Variants in RBMS1 observed in about 807,000 individuals in gnomAD.
RBMS1 encodes the protein RNA-binding motif, single-stranded-interacting protein 1.
RBMS1 carries 17 observed loss-of-function variants against 62.3 expected under a neutral mutation model. The ratio of observed to expected loss-of-function variants is 0.27; its 90% CI spans 0.19 to 0.41. The LOEUF is 0.41. Ranked by LOEUF, RBMS1 falls within the 10% of genes least tolerant of loss-of-function variation. The pLI is 1.00. For missense variants in RBMS1, 334 were observed against 504.5 expected (o/e 0.66, Z 3.24); for synonymous variants, 172 against 170.0 (o/e 1.01, Z -0.09).
chr2:160,317,363 A>C (rs921017320), intron 3 of RBMS1, among the ~76,000 whole-genome samples: 1 of 152,104 alleles, frequency 6.6e-6, no homozygotes, highest in Admixed American at 6.6e-5. Context: ...ATTCCTGTCA[A>C]CTTATTTCAA....
At chr2:160,484,259 G>GC (rs1448706358) in intron 1 of RBMS1, among the ~76,000 whole-genome samples, 30 of 150,064 alleles carry the variant, frequency 2.0e-4, no homozygotes, top group Middle Eastern at 3.6e-3. Flanking sequence ...ACTTTGGGAG[G>GC]CCGAGGCGGG....
chr2:160,459,005 T>C (rs944539201), intron 1 of RBMS1, among the ~76,000 whole-genome samples: 12 of 152,184 alleles, frequency 7.9e-5, no homozygotes, highest in African/African-American at 2.7e-4. Context: ...TGAGCTCAAA[T>C]AGTTCCTTAG....
intron 1 of RBMS1, among the ~76,000 whole-genome samples, chr2:160,470,492 C>G (rs1376275690): frequency 6.6e-6 from 1 of 152,170 alleles, no homozygotes. Flanking sequence ...ACTATCATTA[C>G]TATCGTTATT....
In RBMS1 at chr2:160,361,197, A is replaced by T. The variant is rs1693109092; in HGVS notation, c.251+6019T>A. ...TCAAGTCACTGGTTTTTCCATTAAA[A>T]TAAGTTACTGCTACACTGAGTTATC... On this transcript the variant is annotated intron_variant, in intron 2 of 13. Coordinates refer to ENST00000348849, the MANE Select transcript of RBMS1 (RefSeq NM_016836.4). Among the ~76,000 whole-genome samples the T allele has an allele frequency of 2.0e-5, 3 of 152,228 alleles. No homozygotes were observed. The South Asian group carries it at 6.2e-4, about 31-fold the overall frequency.
At chr2:160,457,394 T>C (rs1482101943) in intron 1 of RBMS1, among the ~76,000 whole-genome samples, 1 of 152,164 alleles carries the variant, frequency 6.6e-6, no homozygotes, top group Non-Finnish European at 1.5e-5. Flanking sequence ...CCTCCCAAAG[T>C]GCTGGGATTA....
chr2:160,414,862 AT>A (rs1266140319), intron 1 of RBMS1, among the ~76,000 whole-genome samples: 1 of 150,284 alleles, frequency 6.7e-6, no homozygotes, highest in Non-Finnish European at 1.5e-5. Flanking sequence ...AAAAAAAAAA[AT>A]CTATAAAAAC....
At chr2:160,311,340 A>T (rs889915804) in intron 4 of RBMS1, among the ~76,000 whole-genome samples, 1 of 150,826 alleles carries the variant, frequency 6.6e-6, no homozygotes, top group African/African-American at 2.4e-5. Flanking sequence ...TAAAAATATT[A>T]AATGGCAACG....
At chr2:160,357,957 C>G (rs1331075391) in intron 2 of RBMS1, among the ~76,000 whole-genome samples, 1 of 152,046 alleles carries the variant, frequency 6.6e-6, no homozygotes, top group African/African-American at 2.4e-5. Context: ...TTCCAAAAGT[C>G]TTCAGACTAC....
rs1693473386 is a variant in RBMS1, at chr2:160,367,495, TG to T, written c.76-105del. On this transcript the variant is annotated intron_variant, in intron 1 of 13. Coordinates refer to ENST00000348849, the MANE Select transcript of RBMS1 (RefSeq NM_016836.4). ...AAATATAGATTACTTTAAGCTACTT[TG>T]AGTTATAAATTTTAATTTACACTTT... is the stretch of plus-strand genomic sequence containing the variant. The T allele has an allele frequency of 1.5e-5, 22 of 1,509,742 alleles. No individual in the cohort carries two copies. The South Asian group carries it at 2.2e-4, about 15-fold the overall frequency. The allele number at this position is 1,509,742 out of a possible 1,614,324, so 93.5% of individuals were successfully genotyped here.
At position 160,281,302 on chromosome 2, in the gene RBMS1, TA is replaced by T; in HGVS notation, c.951+11del. On this transcript the variant is annotated intron_variant, in intron 10 of 13. Coordinates refer to ENST00000348849, the MANE Select transcript of RBMS1 (RefSeq NM_016836.4). ...CTTGTAAAACACAAAGTCATTAAGA[TA>T]AAAAACTTACAGGGTGCTGTAGAAT... 1 of 1,593,686 alleles carries T rather than the reference TA, an allele frequency of 6.3e-7. No homozygotes were observed. The highest frequency in any genetic ancestry group is 2.2e-5 in the East Asian group (1 of 44,568).
chr2:160,396,185 T>C (rs1207705364), intron 1 of RBMS1, among the ~76,000 whole-genome samples: 2 of 152,204 alleles, frequency 1.3e-5, no homozygotes, highest in East Asian at 1.9e-4. Flanking sequence ...TTTGAAATGG[T>C]TTGATAGTGA....
intron 2 of RBMS1, among the ~76,000 whole-genome samples, chr2:160,359,193 A>AT (rs1412309691): frequency 2.6e-5 from 4 of 152,180 alleles, no homozygotes; most frequent in Non-Finnish European, 5.9e-5. Context: ...CTATTTCCTT[A>AT]TATTAGCCTC....
chr2:160,400,564 T>C (rs937944239), intron 1 of RBMS1, among the ~76,000 whole-genome samples: 4 of 152,098 alleles, frequency 2.6e-5, no homozygotes, highest in Non-Finnish European at 5.9e-5. Flanking sequence ...AAACAGGTGA[T>C]TGTGATAATG....
At chr2:160,341,704 G>C (rs1335265020) in intron 2 of RBMS1, among the ~76,000 whole-genome samples, 1 of 152,198 alleles carries the variant, frequency 6.6e-6, no homozygotes, top group Non-Finnish European at 1.5e-5. Flanking sequence ...TAGGGCAGTT[G>C]TGCTGTGCTA....
intron 2 of RBMS1, among the ~76,000 whole-genome samples, chr2:160,322,245 C>CACA (rs1274092211): frequency 6.6e-6 from 1 of 152,134 alleles, no homozygotes; most frequent in African/African-American, 2.4e-5. Context: ...TCCCAGAGCT[C>CACA]ACAAATGAGT....
At chr2:160,362,777 A>T (rs1185340137) in intron 2 of RBMS1, among the ~76,000 whole-genome samples, 1 of 151,500 alleles carries the variant, frequency 6.6e-6, no homozygotes, top group Non-Finnish European at 1.5e-5. Flanking sequence ...TTCAATTTGT[A>T]TTTTTTTTTA....
chr2:160,446,007 A>C (rs912776634), intron 1 of RBMS1, among the ~76,000 whole-genome samples: 7 of 151,772 alleles, frequency 4.6e-5, no homozygotes, highest in Admixed American at 6.6e-5. Context: ...AAAAAAAAAA[A>C]ATGTATTAAG....
chr2:160,492,612 G>A (rs912853118), intron 1 of RBMS1, among the ~76,000 whole-genome samples: 1 of 152,234 alleles, frequency 6.6e-6, no homozygotes, highest in Non-Finnish European at 1.5e-5. Context: ...AACCTCTAGA[G>A]ATTAGAAGGG....
intron 6 of RBMS1, among the ~76,000 whole-genome samples, chr2:160,299,386 T>C (rs1360818096): frequency 6.6e-6 from 1 of 152,236 alleles, no homozygotes; most frequent in Non-Finnish European, 1.5e-5. Flanking sequence ...AAAATGTCTA[T>C]TGTAGTTATG....
Sources: gnomAD v4.1 joint callset for allele counts (sites outside exome capture counted in the v4.1 genomes callset) on GRCh38, gnomAD v4.1.1 for gene constraint, MANE v1.5 for transcripts, NCBI Gene and HGNC (gene_info 2026-07-23, HGNC 2026-07-21) for gene names.